Variants in MRTFB observed in about 807,000 individuals in gnomAD.
MRTFB encodes myocardin-related transcription factor B.
MRTFB carries 29 observed loss-of-function variants against 104.2 expected under a neutral mutation model. The observed-to-expected ratio is 0.28, with a 90% CI of 0.21 to 0.38. The LOEUF (loss-of-function observed/expected upper bound fraction) is 0.38, where lower values mean the gene tolerates loss of function less well. Ranked by LOEUF, MRTFB falls within the 10% of genes least tolerant of loss-of-function variation. The pLI is 1.00. For synonymous variants in MRTFB, 535 were observed against 519.5 expected, an observed-to-expected ratio of 1.03 and a Z score of -0.41; for missense variants, 1,270 against 1,341.6, an observed-to-expected ratio of 0.95 and a Z score of 0.83.
In MRTFB at chr16:14,235,145, G is replaced by A. The variant is rs117630252; in HGVS notation, c.831+862G>A. 1.4e-4 allele frequency among the ~76,000 whole-genome samples: 21 copies of A among 152,296 alleles called. 1 individual carries two copies. In the East Asian group the frequency reaches 3.9e-3, roughly 28 times the overall value. ...CAACCTGTTGCAGAACTCTTCTGAGGCAAGGGAGCATCTTTCAGATGAACA... is the reference window on the plus strand; with the variant it reads ...CAACCTGTTGCAGAACTCTTCTGAGACAAGGGAGCATCTTTCAGATGAACA... On this transcript the variant is annotated intron_variant, in intron 9 of 16. Transcript: ENST00000571589.
At chr16:14,256,476 TC>T (rs974796413) in intron 15 of MRTFB, among the ~76,000 whole-genome samples, 1 of 152,302 alleles carries the variant, frequency 6.6e-6, no homozygotes, top group Admixed American at 6.5e-5. Flanking sequence ...AGAGACTAAG[TC>T]ATAAAAGGCA....
intron 2 of MRTFB, among the ~76,000 whole-genome samples, chr16:14,132,218 G>A (rs2142443967): frequency 6.6e-6 from 1 of 152,158 alleles, no homozygotes; most frequent in South Asian, 2.1e-4. Context: ...GAAATGTCTG[G>A]GACAGACAAA....
Position 14,263,919 on chromosome 16 carries a change from G to T in MRTFB, c.*2475G>T, listed in dbSNP as rs2043860668. The T allele has an allele frequency of 6.6e-6, 1 of 152,204 alleles. No homozygotes were observed. The highest frequency in any genetic ancestry group is 6.5e-5 in the Admixed American group (1 of 15,270). The allele number at this position is 152,204 out of a possible 1,614,324, so 9.4% of individuals were successfully genotyped here. On this transcript the variant is annotated 3_prime_UTR_variant, in exon 17 of 17. Transcript: ENST00000571589. ...CTGTGACACGAGTGCTGCTCTCCAGGATCTCCACTACATGTTCCAGGTTGG... is the reference window on the plus strand; with the variant it reads ...CTGTGACACGAGTGCTGCTCTCCAGTATCTCCACTACATGTTCCAGGTTGG...
At chr16:14,068,592 C>T (rs1043075261), upstream of MRTFB, among the ~76,000 whole-genome samples, 1 of 152,054 alleles carries the variant, frequency 6.6e-6, no homozygotes. Context: ...TTGTGTGTGT[C>T]GTTGCGTGTT....
chr16:14,247,444 A>G lies in MRTFB; in HGVS notation c.2184A>G (p.Pro728=). 2 of 1,604,336 alleles carry G rather than the reference A, an allele frequency of 1.2e-6. No homozygotes were observed. The highest frequency in any genetic ancestry group is 1.7e-6 in the Non-Finnish European group (2 of 1,178,496). ...CGCAGACTGCTCAGCTGCTGCTCCC[A>G]GTGTCCATCCAGGGCTCGAGTGTCA... The part of the protein sequence containing the change: ...LTTQTAQLLL[P]VSIQGSSVTS... The change falls in exon 12 of 17, where the codon CCA becomes CCG. Residue 728 remains proline (P), a synonymous_variant. Transcript: ENST00000571589.
chr16:14,133,866 AC>A (rs1269629718), intron 2 of MRTFB, among the ~76,000 whole-genome samples: 1 of 152,208 alleles, frequency 6.6e-6, no homozygotes, highest in East Asian at 1.9e-4. Context: ...CATTATGAAT[AC>A]ACTTAAAAAC....
chr16:14,072,047 G>A (rs2033735047), intron 1 of MRTFB, among the ~76,000 whole-genome samples: 1 of 152,192 alleles, frequency 6.6e-6, no homozygotes, highest in South Asian at 2.1e-4. Context: ...GCGTGTGCTG[G>A]TAGTGGGGTG....
At chr16:14,195,418 G>A in intron 3 of MRTFB, 3 of 621,600 alleles carry the variant, frequency 4.8e-6, no homozygotes, top group Non-Finnish European at 6.0e-6. Context: ...CATTGCACAT[G>A]TGTGTGTATA....
intron 3 of MRTFB, chr16:14,141,912 C>T (rs2142594569): frequency 6.7e-6 from 1 of 150,090 alleles, no homozygotes. Flanking sequence ...GATCTCTGGT[C>T]ACTGCAATCT....
At chr16:14,017,146 TC>T in the MRTFB span, among the ~76,000 whole-genome samples, 1 of 141,368 alleles carries the variant, frequency 7.1e-6, no homozygotes, top group Non-Finnish European at 1.5e-5. Context: ...AAGCTCCACC[TC>T]CCGGGTTCAC....
At chr16:14,095,663 A>G (rs1256471606) in intron 2 of MRTFB, among the ~76,000 whole-genome samples, 1 of 152,244 alleles carries the variant, frequency 6.6e-6, no homozygotes, top group Non-Finnish European at 1.5e-5. Flanking sequence ...TGAAATGGAC[A>G]AATTTCATCA....
chr16:14,249,192 C>G, intron 13 of MRTFB, 111 bp downstream of exon 13: 2 of 1,272,890 alleles, frequency 1.6e-6, no homozygotes. Context: ...TCATTCTTTT[C>G]TGTGATCCAT....
chr16:14,017,711 A>ATATATATATATATATATATTTT, the MRTFB span, among the ~76,000 whole-genome samples: 1 of 33,612 alleles, frequency 3.0e-5, no homozygotes, highest in Non-Finnish European at 5.0e-5. Context: ...ATATATATAT[A>ATATATATATATATATATATTTT]TTTTTTTTTT....
At chr16:14,202,832 A>G (rs2040768141) in intron 3 of MRTFB, among the ~76,000 whole-genome samples, 1 of 152,246 alleles carries the variant, frequency 6.6e-6, no homozygotes, top group Admixed American at 6.5e-5. Context: ...ATTGAATGGA[A>G]TCCAATTAAT....
the MRTFB span, among the ~76,000 whole-genome samples, chr16:14,066,304 C>T: frequency 6.6e-6 from 1 of 151,398 alleles, no homozygotes; most frequent in Non-Finnish European, 1.5e-5. Flanking sequence ...GATGGAGTCT[C>T]ACTCTGTTGC....
intron 2 of MRTFB, 62 bp from the exon 3 acceptor site, chr16:14,140,482 C>T (rs901612779): frequency 4.7e-5 from 59 of 1,246,874 alleles, no homozygotes; most frequent in Non-Finnish European, 6.3e-5. Flanking sequence ...CGTTTTAATA[C>T]TTTTGTGCAA....
At chr16:14,047,211 C>T in the MRTFB span, among the ~76,000 whole-genome samples, 3 of 152,186 alleles carry the variant, frequency 2.0e-5, no homozygotes, top group African/African-American at 4.8e-5. Flanking sequence ...GGCTTAAACC[C>T]CAGGGCTTTA....
chr16:14,098,087 G>T (rs1198562842), intron 2 of MRTFB, among the ~76,000 whole-genome samples: 1 of 152,162 alleles, frequency 6.6e-6, no homozygotes, highest in African/African-American at 2.4e-5. Flanking sequence ...TCTTCGTATG[G>T]ACTCTGTTAT....
At chr16:14,168,239 G>C (rs149622247) in intron 3 of MRTFB, among the ~76,000 whole-genome samples, 3 of 152,026 alleles carry the variant, frequency 2.0e-5, no homozygotes, top group Middle Eastern at 3.4e-3. Flanking sequence ...GTGTGTGTGT[G>C]TGTGTATGCT....
Sources: allele counts gnomAD v4.1 joint callset (sites outside exome capture counted in the v4.1 genomes callset), GRCh38; gene constraint gnomAD v4.1.1; transcripts MANE v1.5; gene names NCBI Gene and HGNC (gene_info 2026-07-23, HGNC 2026-07-21).